TFEB: variants seen among roughly 807,000 people sequenced by gnomAD.
TFEB encodes T-cell transcription factor EB.
A neutral mutation model predicts 48.0 loss-of-function variants in TFEB; 12 were observed. That is an observed-to-expected ratio of 0.25 (90% CI 0.16 to 0.40). The LOEUF (loss-of-function observed/expected upper bound fraction) is 0.40. TFEB is among the 10% of genes least tolerant of loss of function. The probability of loss-of-function intolerance (pLI) is 1.00; values close to 1 mark genes in which losing one functional copy is unlikely to be tolerated. For synonymous variants in TFEB, 244 were observed against 261.4 expected, an observed-to-expected ratio of 0.93 and a Z score of 0.64; for missense variants, 509 against 640.3, an observed-to-expected ratio of 0.79 and a Z score of 2.21.
chr6:41,725,536 G>A (rs959075592), intron 1 of TFEB, among the ~76,000 whole-genome samples: 11 of 152,188 alleles, frequency 7.2e-5, no homozygotes, highest in African/African-American at 2.7e-4. Context: ...CTGCCACTTA[G>A]GGGGTCTCCC....
chr6:41,713,416 ACTT>A (rs930520915), intron 1 of TFEB, among the ~76,000 whole-genome samples: 48 of 152,272 alleles, frequency 3.2e-4, no homozygotes, highest in African/African-American at 1.1e-3. Context: ...TCACTGGGCC[ACTT>A]CTTCTGGTGC....
intron 7 of TFEB, 27 bp downstream of exon 7, chr6:41,687,067 C>T: frequency 6.2e-7 from 1 of 1,609,950 alleles, no homozygotes; most frequent in South Asian, 1.1e-5. Flanking sequence ...CCAGACCCAT[C>T]ACCCTCCCCC....
chr6:41,697,745 C>T (rs12660825), intron 1 of TFEB, among the ~76,000 whole-genome samples: 20,158 of 152,158 alleles, frequency 0.13, 1,422 homozygotes, highest in Middle Eastern at 0.23. Flanking sequence ...CCTCAATGTC[C>T]AGTTATAGGA....
Position 41,732,772 on chromosome 6 carries a change from G to T in TFEB, c.-23+2578C>A, listed in dbSNP as rs1042551036. On this transcript the variant is annotated intron_variant, in intron 1 of 8. Coordinates refer to ENST00000373033, the MANE Select transcript of TFEB (RefSeq NM_001271944.2). ...TGCATATATGTTCACTGCGTCCTGGGACGTGAACATTTCTGGCAGCTCTGG... is the reference window on the plus strand; with the variant it reads ...TGCATATATGTTCACTGCGTCCTGGTACGTGAACATTTCTGGCAGCTCTGG... 2.1e-5 allele frequency: 21 copies of T among 985,906 alleles called. No homozygotes were observed. In the African/African-American group the frequency reaches 3.7e-4, roughly 17 times the overall value. The allele number at this position is 985,906 out of a possible 1,614,324, so 61.1% of individuals were successfully genotyped here.
At chr6:41,736,210 C>T (rs1273842743), upstream of TFEB, 9 of 1,612,610 alleles carry the variant, frequency 5.6e-6, no homozygotes, top group Non-Finnish European at 7.6e-6. Flanking sequence ...GTCACCTTCC[C>T]TTGTTGGAAG....
At position 41,691,759 on chromosome 6, in the gene TFEB, C is replaced by T. The variant is rs527573618; in HGVS notation, c.-22-524G>A. Reference sequence around the variant, plus strand: ...GTCTTCCCCTCTGCTCACAACTCCCCATGGTTCCCACCTTCCTCAGGGGAA... The same window carrying T: ...GTCTTCCCCTCTGCTCACAACTCCCTATGGTTCCCACCTTCCTCAGGGGAA... On this transcript the variant is annotated intron_variant, in intron 1 of 8. Coordinates refer to ENST00000373033, the MANE Select transcript of TFEB (RefSeq NM_001271944.2). This position sits in a 1 kb window ranked among gnomAD's most constrained non-coding sequence, Gnocchi z 5.2. 2.1e-3 allele frequency among the ~76,000 whole-genome samples: 325 copies of T among 152,260 alleles called. 1 individual carries two copies. The highest frequency in any genetic ancestry group is 7.5e-3 in the African/African-American group (311 of 41,536).
chr6:41,690,856 A>G lies in TFEB; in HGVS notation c.275T>C (p.Val92Ala). Residue 92 changes from valine to alanine, a missense_variant, in exon 3 of 9, where the codon GTG becomes GCG. Val to Ala is a moderately conservative substitution (Grantham distance 64, BLOSUM62 0). Coordinates refer to ENST00000373033, the MANE Select transcript of TFEB (RefSeq NM_001271944.2). ...ATAGGTCTCGGACAGGTACTCCCGC[A>G]CCTTCTGATGCTGCGACTGCTGCAG... The part of the protein sequence containing the change: ...YHLQQSQHQK[V>A]REYLSETYGN... The G allele has an allele frequency of 6.2e-7, 1 of 1,610,434 alleles. No individual in the cohort carries two copies. Among genetic ancestry groups the G allele is most frequent in the South Asian group, 1.1e-5 (1 of 90,914 alleles).
At chr6:41,685,394 C>T (rs1283318764) in intron 8 of TFEB, among the ~76,000 whole-genome samples, 2 of 152,124 alleles carry the variant, frequency 1.3e-5, no homozygotes, top group African/African-American at 2.4e-5. Context: ...CTATTAAGGA[C>T]GAGGGGAGCG....
chr6:41,730,438 G>A lies in TFEB; in HGVS notation c.-23+4912C>T, dbSNP rs571608055. 1.5e-4 allele frequency among the ~76,000 whole-genome samples: 23 copies of A among 152,344 alleles called. No homozygotes were observed. Among genetic ancestry groups the A allele is most frequent in the African/African-American group, 5.3e-4 (22 of 41,580 alleles). On this transcript the variant is annotated intron_variant, in intron 1 of 8. Transcript: ENST00000373033. The surrounding 1 kb of genome is among the most constrained non-coding windows in gnomAD (Gnocchi z 4.1). ...CTGCTGAATGCATAAGAGCCAACCAGGTGGCCTGCATGGCCTGGCAAGCAG... is the reference window on the plus strand; with the variant it reads ...CTGCTGAATGCATAAGAGCCAACCAAGTGGCCTGCATGGCCTGGCAAGCAG...
chr6:41,700,842 C>A (rs78183158), intron 1 of TFEB, among the ~76,000 whole-genome samples: 5,580 of 152,276 alleles, frequency 0.037, 148 homozygotes, highest in East Asian at 0.082. Context: ...TGGGAACTGG[C>A]GCCTCCTGGC....
At chr6:41,699,884 C>T (rs1387486950) in intron 1 of TFEB, among the ~76,000 whole-genome samples, 1 of 152,202 alleles carries the variant, frequency 6.6e-6, no homozygotes, top group African/African-American at 2.4e-5. Context: ...GTAACTTATC[C>T]TAGCAAAATG....
chr6:41,696,106 T>C (rs920061027), intron 1 of TFEB, among the ~76,000 whole-genome samples: 1 of 152,246 alleles, frequency 6.6e-6, no homozygotes, highest in African/African-American at 2.4e-5. Flanking sequence ...AGACAAGGGC[T>C]TCTGAGGGGA....
At position 41,734,126 on chromosome 6, in the gene TFEB, A is replaced by G. The variant is rs1771566388; in HGVS notation, c.-23+1224T>C. 1 of 176,564 alleles carries G rather than the reference A, an allele frequency of 5.7e-6. No individual in the cohort carries two copies. Among genetic ancestry groups the G allele is most frequent in the South Asian group, 1.9e-4 (1 of 5,294 alleles). 10.9% of individuals were successfully genotyped at this position (176,564 alleles called of 1,614,324 possible). On this transcript the variant is annotated intron_variant, in intron 1 of 8. Coordinates refer to ENST00000373033, the MANE Select transcript of TFEB (RefSeq NM_001271944.2). This position sits in a 1 kb window ranked among gnomAD's most constrained non-coding sequence, Gnocchi z 4.0. ...AGCTCTAAGCCAAAAACTGCGCTCA[A>G]GTTGAGTGCAGAAGCTCCGCGCTGA...
intron 8 of TFEB, among the ~76,000 whole-genome samples, chr6:41,685,718 C>T (rs1768964258): frequency 6.6e-6 from 1 of 152,198 alleles, no homozygotes. Flanking sequence ...CATTTTCCTG[C>T]CTCTTGAGGT....
chr6:41,684,813 T>A lies in TFEB; in HGVS notation c.1217A>T (p.Glu406Val). The A allele has an allele frequency of 1.3e-6, 2 of 1,597,692 alleles. No homozygotes were observed. The highest frequency in any genetic ancestry group is 3.4e-5 in the Admixed American group (2 of 58,130). ...FSHSLSFGGR[E>V]DEGPPGYPEP... ...GGGGTAGCCCGGGGGACCCTCGTCC[T>A]CCCTGCCCCCAAAGCTCAGGCTGTG... The change falls in exon 9 of 9, where the codon GAG (glutamate) becomes GTG (valine). Residue 406 changes from glutamate (E) to valine (V), a missense_variant. Glu to Val is a moderately radical substitution (Grantham distance 121). Transcript: ENST00000373033.
chr6:41,731,825 C>T (rs1771462969), intron 1 of TFEB, among the ~76,000 whole-genome samples: 1 of 152,222 alleles, frequency 6.6e-6, no homozygotes, highest in African/African-American at 2.4e-5. Context: ...AGAAGGCCAT[C>T]AGTAAGGATG....
At chr6:41,722,011 C>CT (rs1771004903) in intron 1 of TFEB, among the ~76,000 whole-genome samples, 1 of 152,176 alleles carries the variant, frequency 6.6e-6, no homozygotes, top group Non-Finnish European at 1.5e-5. Flanking sequence ...CAGAGTCTCC[C>CT]TCCGTCGTTC....
chr6:41,684,153 G>A lies in TFEB; in HGVS notation c.*446C>T, dbSNP rs1025398219. ...GGAGAGCCGAGGACCAGGCTGCGGG[G>A]TGGACCTCCTGCCATCTGAGTCCCA... On this transcript the variant is annotated 3_prime_UTR_variant, in exon 9 of 9. Transcript: ENST00000373033. 10 of 234,298 alleles carry A rather than the reference G, an allele frequency of 4.3e-5. No individual in the cohort carries two copies. Among genetic ancestry groups the A allele is most frequent in the Non-Finnish European group, 7.6e-5 (9 of 118,748 alleles). The allele number at this position is 234,298 out of a possible 1,614,324, so 14.5% of individuals were successfully genotyped here. A position where few individuals can be genotyped will look rare whatever the true frequency, so the allele number is the denominator to read the frequency against.
intron 1 of TFEB, among the ~76,000 whole-genome samples, chr6:41,731,933 G>A (rs894594059): frequency 2.6e-5 from 4 of 152,224 alleles, no homozygotes; most frequent in Admixed American, 1.3e-4. Flanking sequence ...GGTTCCAGCC[G>A]GAGGTCCTTT....
Sources: allele counts gnomAD v4.1 joint callset (sites outside exome capture counted in the v4.1 genomes callset), GRCh38; gene constraint gnomAD v4.1.1; non-coding constraint Gnocchi (gnomAD v3.1); transcripts MANE v1.5; gene names NCBI Gene and HGNC (gene_info 2026-07-23, HGNC 2026-07-21).